Variants in RORB observed in about 807,000 individuals in gnomAD.
RORB encodes nuclear receptor ROR-beta.
RORB carries 6 observed loss-of-function variants against 59.1 expected under a neutral mutation model. The observed-to-expected ratio is 0.10, with a 90% CI of 0.06 to 0.20. The LOEUF is 0.20. Among genes scored for constraint, RORB ranks in the 10% least tolerant of loss-of-function variants. RORB has a pLI of 1.00. For synonymous variants in RORB, 215 were observed against 204.5 expected (o/e 1.05, Z -0.44); for missense variants, 320 against 560.5 (o/e 0.57, Z 4.33).
chr9:74,583,476 T>A (rs527247318), intron 1 of RORB, among the ~76,000 whole-genome samples: 54 of 152,008 alleles, frequency 3.6e-4, no homozygotes, highest in Non-Finnish European at 5.1e-4. Flanking sequence ...ATTCTACAGG[T>A]AACCCAAATT....
At chr9:74,657,530 T>C (rs1824104462) in intron 4 of RORB, among the ~76,000 whole-genome samples, 1 of 152,138 alleles carries the variant, frequency 6.6e-6, no homozygotes, top group African/African-American at 2.4e-5. Flanking sequence ...CTGGGATACA[T>C]CTTTCTCTTC....
intron 1 of RORB, among the ~76,000 whole-genome samples, chr9:74,619,775 C>T (rs945517403): frequency 2.0e-5 from 3 of 152,118 alleles, no homozygotes; most frequent in African/African-American, 4.8e-5. Flanking sequence ...TGTCGAAGAC[C>T]TTTTCTGCAT....
chr9:74,535,345 G>T (rs556981244), intron 1 of RORB, among the ~76,000 whole-genome samples: 48 of 152,070 alleles, frequency 3.2e-4, no homozygotes, highest in African/African-American at 1.1e-3. Flanking sequence ...CTTCTTCTAG[G>T]TTACTCAGAA....
chr9:74,514,478 C>A (rs1158418594), intron 1 of RORB, among the ~76,000 whole-genome samples: 1 of 151,954 alleles, frequency 6.6e-6, no homozygotes, highest in Non-Finnish European at 1.5e-5. Context: ...AGGTGGCAGG[C>A]TGTTGCTGAC....
chr9:74,672,343 A>T (rs1161839865), intron 9 of RORB, among the ~76,000 whole-genome samples: 2 of 152,218 alleles, frequency 1.3e-5, no homozygotes, highest in African/African-American at 4.8e-5. Context: ...GGGGTGGACT[A>T]CTGTGTAAAG....
chr9:74,611,695 G>A (rs1253083200), intron 1 of RORB, among the ~76,000 whole-genome samples: 1 of 152,116 alleles, frequency 6.6e-6, no homozygotes, highest in Non-Finnish European at 1.5e-5. Context: ...TATTGCCCAG[G>A]CTGAAGTGCA....
intron 1 of RORB, among the ~76,000 whole-genome samples, chr9:74,516,333 T>C (rs766250571): frequency 1.2e-4 from 18 of 152,106 alleles, no homozygotes; most frequent in Non-Finnish European, 2.6e-4. Flanking sequence ...ATCTCTACAT[T>C]GCAAATGAGA....
At chr9:74,513,738 AC>A (rs1476232984) in intron 1 of RORB, among the ~76,000 whole-genome samples, 3 of 152,118 alleles carry the variant, frequency 2.0e-5, no homozygotes, top group Admixed American at 6.6e-5. Flanking sequence ...AAGAGTTTAT[AC>A]ATTTTCTTTT....
chr9:74,541,756 T>C (rs1826411324), intron 1 of RORB, among the ~76,000 whole-genome samples: 1 of 152,170 alleles, frequency 6.6e-6, no homozygotes, highest in Non-Finnish European at 1.5e-5. Flanking sequence ...CATTTAAGCT[T>C]TTATTTCTGA....
intron 1 of RORB, among the ~76,000 whole-genome samples, chr9:74,526,344 C>G (rs763901552): frequency 6.6e-6 from 1 of 151,830 alleles, no homozygotes; most frequent in East Asian, 1.9e-4. Context: ...GAGCAACCAA[C>G]GAGAAAACCC....
At chr9:74,549,687 G>T (rs1036557207) in intron 1 of RORB, among the ~76,000 whole-genome samples, 2 of 151,674 alleles carry the variant, frequency 1.3e-5, no homozygotes, top group African/African-American at 2.4e-5. Flanking sequence ...TGTATTTTTT[G>T]ACTGCTTGTA....
rs1172113897 is a variant in RORB at position 74,642,451 on chromosome 9, C to T, written c.273C>T (p.Asp91=). Residue 91 remains aspartate, a synonymous_variant, in exon 4 of 10, where the codon GAC becomes GAT. Transcript: ENST00000376896. ...GGAGGATGTCCAAGAAGCAAAGGGACAGCCTGTATGCTGAGGTGCAGAAGC... is the reference window on the plus strand; with the variant it reads ...GGAGGATGTCCAAGAAGCAAAGGGATAGCCTGTATGCTGAGGTGCAGAAGC... The part of the protein sequence containing the change: ...KFGRMSKKQR[D]SLYAEVQKHQ... 4 of 1,613,668 alleles carry T rather than the reference C, an allele frequency of 2.5e-6. No individual in the cohort carries two copies. The highest frequency in any genetic ancestry group is 8.5e-7 in the Non-Finnish European group (1 of 1,179,848).
Position 74,685,857 on chromosome 9 carries a change from G to A in RORB, c.*239G>A, listed in dbSNP as rs972658547. 1 of 303,048 alleles carries A rather than the reference G, an allele frequency of 3.3e-6. No homozygotes were observed. Among genetic ancestry groups the A allele is most frequent in the African/African-American group, 2.2e-5 (1 of 46,496 alleles). 18.8% of individuals were successfully genotyped at this position (303,048 alleles called of 1,614,324 possible). A position where few individuals can be genotyped will look rare whatever the true frequency, so the allele number is the denominator to read the frequency against. On this transcript the variant is annotated 3_prime_UTR_variant, in exon 10 of 10. Coordinates refer to ENST00000376896, the MANE Select transcript of RORB (RefSeq NM_006914.4). ...AATATACAAATATAGGACACTGGGT[G>A]TTATCCTTTTTTTAATTTTATTCGG...
intron 2 of RORB, among the ~76,000 whole-genome samples, chr9:74,633,713 T>G (rs1823655934): frequency 6.6e-6 from 1 of 152,158 alleles, no homozygotes; most frequent in Non-Finnish European, 1.5e-5. Flanking sequence ...TGGATTTATT[T>G]AGACAAGCAG....
chr9:74,570,440 T>C (rs950282656), intron 1 of RORB, among the ~76,000 whole-genome samples: 3 of 152,140 alleles, frequency 2.0e-5, no homozygotes, highest in African/African-American at 7.2e-5. Flanking sequence ...ACAATCACAA[T>C]ATGTTTATTT....
chr9:74,521,777 G>T (rs540415279), intron 1 of RORB, among the ~76,000 whole-genome samples: 1 of 151,700 alleles, frequency 6.6e-6, no homozygotes, highest in East Asian at 1.9e-4. Flanking sequence ...TACCTGTCAC[G>T]AGTGTCTGTT....
chr9:74,658,490 T>C lies in RORB; in HGVS notation c.638-2127T>C, dbSNP rs149443648. ...GCTTTGGCCAACAGTTCCAGGCAGATATCATAAAAGAACAGATAAAGTTTT... is the reference window on the plus strand; with the variant it reads ...GCTTTGGCCAACAGTTCCAGGCAGACATCATAAAAGAACAGATAAAGTTTT... On this transcript the variant is annotated intron_variant, in intron 4 of 9. Transcript: ENST00000376896. 1.0e-3 allele frequency among the ~76,000 whole-genome samples: 153 copies of C among 148,964 alleles called. 2 individuals are homozygous for C. The highest frequency in any genetic ancestry group is 6.9e-3 in the South Asian group (33 of 4,810).
At chr9:74,674,349 T>C (rs901117837) in intron 9 of RORB, among the ~76,000 whole-genome samples, 2 of 152,158 alleles carry the variant, frequency 1.3e-5, no homozygotes, top group Non-Finnish European at 2.9e-5. Flanking sequence ...GTGAAACCTG[T>C]CTCTAAAAAA....
At chr9:74,579,494 T>C (rs556544387) in intron 1 of RORB, among the ~76,000 whole-genome samples, 5 of 152,278 alleles carry the variant, frequency 3.3e-5, no homozygotes, top group Admixed American at 2.6e-4. Context: ...TGGGTCAGTT[T>C]TTTTTCTCCT....
Sources: allele counts gnomAD v4.1 joint callset (sites outside exome capture counted in the v4.1 genomes callset), GRCh38; gene constraint gnomAD v4.1.1; transcripts MANE v1.5; gene names NCBI Gene and HGNC (gene_info 2026-07-23, HGNC 2026-07-21).